The following PDZD2 variants were observed in gnomAD, a reference collection of about 807,000 sequenced individuals.
The protein encoded by PDZD2 is PDZ domain-containing protein 2.
In PDZD2, 90 loss-of-function variants were observed where a neutral mutation model predicts 220.7. The ratio of observed to expected loss-of-function variants is 0.41; its 90% CI spans 0.34 to 0.49. PDZD2 has a LOEUF of 0.49. Ranked by LOEUF, PDZD2 falls within the 20% of genes least tolerant of loss-of-function variation. The pLI is 0.28. For missense variants in PDZD2, 3,174 were observed against 3,608.5 expected (o/e 0.88, Z 3.08); for synonymous variants, 1,375 against 1,450.5 (o/e 0.95, Z 1.18).
At position 31,730,062 on chromosome 5, in the gene PDZD2, A is replaced by G. The variant is rs1387486571; in HGVS notation, c.-360-68827A>G. ...AGGCTGGTCTTGAACTCCTGACCTCAGGTGATCTGCCTGACTCAGCCTCCC... is the reference window on the plus strand; with the variant it reads ...AGGCTGGTCTTGAACTCCTGACCTCGGGTGATCTGCCTGACTCAGCCTCCC... On this transcript the variant is annotated intron_variant, in intron 1 of 24. Transcript: ENST00000438447. 2.0e-5 allele frequency among the ~76,000 whole-genome samples: 3 copies of G among 152,200 alleles called. No homozygotes were observed. The East Asian group carries it at 5.8e-4, about 29-fold the overall frequency.
intron 6 of PDZD2, among the ~76,000 whole-genome samples, chr5:32,019,403 C>G (rs181626736): frequency 1.6e-4 from 25 of 152,308 alleles, no homozygotes; most frequent in Non-Finnish European, 1.5e-4. Context: ...CTCAGCCTCC[C>G]AAAGTACTGG....
intron 6 of PDZD2, among the ~76,000 whole-genome samples, chr5:32,027,538 G>A (rs1754765747): frequency 6.6e-6 from 1 of 152,156 alleles, no homozygotes; most frequent in Admixed American, 6.5e-5. Context: ...GGCATCAGTT[G>A]CGGCTCCCCC....
chr5:32,093,364 C>G (rs374110042), intron 21 of PDZD2, among the ~76,000 whole-genome samples: 7 of 152,240 alleles, frequency 4.6e-5, no homozygotes, highest in African/African-American at 1.4e-4. Flanking sequence ...AAATACCTCT[C>G]GCCACCTAAC....
intron 2 of PDZD2, among the ~76,000 whole-genome samples, chr5:31,965,599 A>G (rs1401141713): frequency 1.3e-5 from 2 of 152,172 alleles, no homozygotes; most frequent in African/African-American, 2.4e-5. Flanking sequence ...AGCTGCTTTA[A>G]AAATGGAAAC....
chr5:32,072,331 C>T lies in PDZD2; in HGVS notation c.2725+14C>T. Reference sequence around the variant, plus strand: ...CCAGCACCTCCAGTAAGCAGGGGTGCCCCAGAGGGCCTGGGCTCTGCATTC... The same window carrying T: ...CCAGCACCTCCAGTAAGCAGGGGTGTCCCAGAGGGCCTGGGCTCTGCATTC... On this transcript the variant is annotated intron_variant, in intron 17 of 24. Transcript: ENST00000438447. 6 of 1,599,540 alleles carry T rather than the reference C, an allele frequency of 3.8e-6. No homozygotes were observed. The highest frequency in any genetic ancestry group is 5.1e-6 in the Non-Finnish European group (6 of 1,171,206).
chr5:31,924,854 T>C (rs1403352878), intron 2 of PDZD2, among the ~76,000 whole-genome samples: 6 of 152,214 alleles, frequency 3.9e-5, no homozygotes, highest in Admixed American at 2.0e-4. Context: ...AAATTCCTTA[T>C]TCCTTCTGCC....
Position 31,666,818 on chromosome 5 carries a change from A to G in PDZD2, c.-361+27381A>G, listed in dbSNP as rs115778799. 5.8e-3 allele frequency among the ~76,000 whole-genome samples: 886 copies of G among 152,348 alleles called. 10 individuals are homozygous for G. Among genetic ancestry groups the G allele is most frequent in the African/African-American group, 0.02 (843 of 41,588 alleles). The stretch of plus-strand genomic sequence containing the variant: ...GTCCGTCTTTAAGATCAGATAGACC[A>G]GTTCTTGATTAGCAGCCATTCAGGA... On this transcript the variant is annotated intron_variant, in intron 1 of 24. Coordinates refer to ENST00000438447, the MANE Select transcript of PDZD2 (RefSeq NM_178140.4).
chr5:31,708,457 C>T (rs1346145166), intron 1 of PDZD2, among the ~76,000 whole-genome samples: 1 of 152,126 alleles, frequency 6.6e-6, no homozygotes, highest in Non-Finnish European at 1.5e-5. Flanking sequence ...TTTCAACTGA[C>T]TTCTGTAGCC....
At chr5:31,769,787 TTCAGAGTCACTTAGC>T (rs1424250640) in intron 1 of PDZD2, among the ~76,000 whole-genome samples, 6 of 152,228 alleles carry the variant, frequency 3.9e-5, no homozygotes, top group Non-Finnish European at 5.9e-5. Flanking sequence ...GGTGAGGAAC[TTCAGAGTCACTTAGC>T]TCATCAACAC....
chr5:31,951,132 T>A (rs1396220149), intron 2 of PDZD2, among the ~76,000 whole-genome samples: 1 of 152,138 alleles, frequency 6.6e-6, no homozygotes, highest in East Asian at 1.9e-4. Context: ...AGTGGCGCCA[T>A]CACAGCTCAC....
rs766771803 is a variant in PDZD2, at chr5:32,088,448, C to T, written c.5000C>T (p.Ser1667Leu). ...TSGPDSSQPS[S>L]LLEMSSQEHE... ...GGCCCAGACTCTTCCCAGCCATCAT[C>T]ACTCTTGGAGATGAGCTCTCAGGAG... The change falls in exon 20 of 25, where the codon TCA becomes TTA. Residue 1667 changes from serine (S) to leucine (L), a missense_variant. Physicochemically the swap from Ser to Leu is moderately radical, Grantham distance 145. Around this residue, in one of 4 missense-constraint regions of PDZD2, gnomAD observed 1,861 missense variants for 2,001.0 expected, o/e 0.93. Transcript: ENST00000438447. The surrounding 1 kb of genome is among the most constrained non-coding windows in gnomAD (Gnocchi z 4.6). The T allele has an allele frequency of 6.2e-7, 1 of 1,614,096 alleles. No individual in the cohort carries two copies. Among genetic ancestry groups the T allele is most frequent in the East Asian group, 2.2e-5 (1 of 44,876 alleles).
At chr5:31,917,889 G>A (rs1743831330) in intron 2 of PDZD2, among the ~76,000 whole-genome samples, 1 of 152,092 alleles carries the variant, frequency 6.6e-6, no homozygotes, top group Non-Finnish European at 1.5e-5. Flanking sequence ...ACAGGCGTGT[G>A]CCCCTACACC....
chr5:31,886,035 G>C (rs1164838753), intron 2 of PDZD2, among the ~76,000 whole-genome samples: 1 of 151,964 alleles, frequency 6.6e-6, no homozygotes, highest in Non-Finnish European at 1.5e-5. Flanking sequence ...AAGTAGCTGG[G>C]ATTACAGGCA....
At chr5:32,024,876 C>T (rs1424334883) in intron 6 of PDZD2, among the ~76,000 whole-genome samples, 1 of 152,124 alleles carries the variant, frequency 6.6e-6, no homozygotes, top group Admixed American at 6.6e-5. Flanking sequence ...TTGAAAGCAG[C>T]CATAAACAAT....
chr5:31,986,696 T>G (rs1750750224), intron 3 of PDZD2, among the ~76,000 whole-genome samples: 1 of 152,208 alleles, frequency 6.6e-6, no homozygotes, highest in African/African-American at 2.4e-5. Context: ...AATGGGAGAT[T>G]AAACATGTCA....
At chr5:31,897,730 G>A (rs1561551988) in intron 2 of PDZD2, among the ~76,000 whole-genome samples, 1 of 127,762 alleles carries the variant, frequency 7.8e-6, no homozygotes, top group Non-Finnish European at 1.7e-5. Flanking sequence ...GTCTCATTTT[G>A]TTTGACTGTT....
At position 32,072,158 on chromosome 5, in the gene PDZD2, C is replaced by T. The variant is rs774297832; in HGVS notation, c.2569-3C>T. 1 of 1,600,954 alleles carries T rather than the reference C, an allele frequency of 6.2e-7. No individual in the cohort carries two copies. Among genetic ancestry groups the T allele is most frequent in the Non-Finnish European group, 8.5e-7 (1 of 1,171,472 alleles). On this transcript the variant is annotated splice_region_variant and splice_polypyrimidine_tract_variant and intron_variant, in intron 16 of 24. Transcript: ENST00000438447. ...AGTTATCGGATGTTTTCTTCTTCAA[C>T]AGGACTCCCTTATTTCTGAATCTGA...
intron 1 of PDZD2, among the ~76,000 whole-genome samples, chr5:31,697,797 T>C (rs1331449332): frequency 6.6e-6 from 1 of 152,218 alleles, no homozygotes; most frequent in Admixed American, 6.5e-5. Flanking sequence ...ACGAGACCTT[T>C]GGGTCTGGTT....
At chr5:31,948,737 A>G (rs955647536) in intron 2 of PDZD2, among the ~76,000 whole-genome samples, 5 of 152,154 alleles carry the variant, frequency 3.3e-5, no homozygotes, top group Non-Finnish European at 7.3e-5. Context: ...CTCTGAGGTC[A>G]TGTGATTCTG....
Sources: allele counts gnomAD v4.1 joint callset (sites outside exome capture counted in the v4.1 genomes callset), GRCh38; gene constraint gnomAD v4.1.1; regional missense constraint gnomAD v4.1.1; non-coding constraint Gnocchi (gnomAD v3.1); transcripts MANE v1.5; gene names NCBI Gene and HGNC (gene_info 2026-07-23, HGNC 2026-07-21).